The following DLGAP2 variants were observed in gnomAD, a reference collection of about 807,000 sequenced individuals.
DLGAP2 encodes DLG associated protein 2.
DLGAP2 carries 26 observed loss-of-function variants against 100.3 expected under a neutral mutation model. That is an observed-to-expected ratio of 0.26 (90% CI 0.19 to 0.36). The LOEUF (loss-of-function observed/expected upper bound fraction) is 0.36. Ranked by LOEUF, DLGAP2 falls within the 10% of genes least tolerant of loss-of-function variation. DLGAP2 has a pLI of 1.00. For missense variants in DLGAP2, 1,858 were observed against 1,453.2 expected, an observed-to-expected ratio of 1.28 and a Z score of -4.53; for synonymous variants, 886 against 630.1, an observed-to-expected ratio of 1.41 and a Z score of -6.08.
intron 2 of DLGAP2, among the ~76,000 whole-genome samples, chr8:1,234,469 C>T (rs890879659): frequency 2.0e-5 from 3 of 152,188 alleles, no homozygotes; most frequent in Non-Finnish European, 4.4e-5. Flanking sequence ...ACTAGTAATA[C>T]TGAATCAGGG....
chr8:1,565,855 T>G lies in DLGAP2; in HGVS notation c.1403T>G (p.Leu468Arg). The change falls in exon 6 of 15, where the codon CTG becomes CGG. Residue 468 changes from leucine to arginine, a missense_variant. Transcript: ENST00000637795. ...PKSAILPEPL[L>R]KSIGQRPLGE... is the part of the protein sequence containing the mutation. ...TCGGCAATCCTACCAGAGCCGCTGC[T>G]GAAGTCCATCGGACAGAGACCGCTT... is the stretch of plus-strand genomic sequence containing the variant. 1 of 1,612,408 alleles carries G rather than the reference T, an allele frequency of 6.2e-7. No homozygotes were observed.
At chr8:1,081,519 A>G (rs750120988) in intron 2 of DLGAP2, among the ~76,000 whole-genome samples, 2 of 152,006 alleles carry the variant, frequency 1.3e-5, no homozygotes, top group African/African-American at 4.8e-5. Flanking sequence ...GCCCAGCTAA[A>G]TTTTGTACTT....
intron 8 of DLGAP2, among the ~76,000 whole-genome samples, chr8:1,637,791 A>C (rs1317262933): frequency 2.6e-5 from 4 of 152,214 alleles, no homozygotes; most frequent in African/African-American, 4.8e-5. Flanking sequence ...AAACAGTTGC[A>C]GTTGAAGAGC....
At chr8:1,141,021 T>C (rs1388924126) in intron 2 of DLGAP2, among the ~76,000 whole-genome samples, 1 of 152,186 alleles carries the variant, frequency 6.6e-6, no homozygotes, top group Non-Finnish European at 1.5e-5. Flanking sequence ...GTCTTCTTCA[T>C]TGAAGGTGTG....
chr8:1,460,304 T>G (rs1798437816), intron 3 of DLGAP2, among the ~76,000 whole-genome samples: 1 of 152,258 alleles, frequency 6.6e-6, no homozygotes, highest in Non-Finnish European at 1.5e-5. Context: ...TATGACTATT[T>G]TGTTTTAATT....
chr8:1,051,293 C>T (rs1802703035), intron 2 of DLGAP2, among the ~76,000 whole-genome samples: 1 of 152,128 alleles, frequency 6.6e-6, no homozygotes, highest in Non-Finnish European at 1.5e-5. Context: ...CATTTTTCAG[C>T]AGCACTCACC....
intron 3 of DLGAP2, among the ~76,000 whole-genome samples, chr8:1,344,395 T>C (rs1801508647): frequency 6.6e-6 from 1 of 152,190 alleles, no homozygotes; most frequent in African/African-American, 2.4e-5. Context: ...AGAGGTCTAG[T>C]GTCACTTTCT....
At chr8:1,438,054 A>C (rs1425575196) in intron 3 of DLGAP2, among the ~76,000 whole-genome samples, 1 of 152,112 alleles carries the variant, frequency 6.6e-6, no homozygotes, top group Non-Finnish European at 1.5e-5. Flanking sequence ...TTTGGTATAG[A>C]GGATTTCTCG....
Position 977,112 on chromosome 8 carries a change from G to C in DLGAP2, c.73+69146G>C, listed in dbSNP as rs150791008. On this transcript the variant is annotated intron_variant, in intron 2 of 14. Transcript: ENST00000637795. ...CAAAAATGGTACTCAGCCAAGATAA[G>C]AGGTCAGCTTCTTGCATTTCTTCAC... 1.0e-3 allele frequency among the ~76,000 whole-genome samples: 158 copies of C among 152,330 alleles called. 1 individual carries two copies. The highest frequency in any genetic ancestry group is 5.9e-3 in the Admixed American group (91 of 15,306).
chr8:1,411,106 T>G (rs1796718303), intron 3 of DLGAP2, among the ~76,000 whole-genome samples: 1 of 152,150 alleles, frequency 6.6e-6, no homozygotes, highest in Non-Finnish European at 1.5e-5. Context: ...CTTTCAGGTA[T>G]TCAGTCGTGG....
At chr8:1,059,060 C>A (rs148165594) in intron 2 of DLGAP2, among the ~76,000 whole-genome samples, 2 of 152,024 alleles carry the variant, frequency 1.3e-5, no homozygotes, top group Non-Finnish European at 1.5e-5. Flanking sequence ...GGGCTCCCCC[C>A]ATGTGTCCAT....
At chr8:1,466,629 T>C (rs1798634387) in intron 3 of DLGAP2, among the ~76,000 whole-genome samples, 1 of 152,118 alleles carries the variant, frequency 6.6e-6, no homozygotes, top group African/African-American at 2.4e-5. Flanking sequence ...CTTACCTAAA[T>C]TCATAGTAGT....
chr8:1,516,389 G>C (rs56187330), intron 4 of DLGAP2, among the ~76,000 whole-genome samples: 3,238 of 151,872 alleles, frequency 0.021, 108 homozygotes, highest in African/African-American at 0.069. Context: ...GTGACTGAGT[G>C]AATGAGTGGG....
chr8:1,048,707 C>T (rs911354909), intron 2 of DLGAP2, among the ~76,000 whole-genome samples: 3 of 152,024 alleles, frequency 2.0e-5, no homozygotes, highest in Non-Finnish European at 4.4e-5. Context: ...GCCCGAGGCC[C>T]TAGACCTGGA....
intron 6 of DLGAP2, among the ~76,000 whole-genome samples, chr8:1,579,033 C>T (rs1803113409): frequency 6.6e-6 from 1 of 152,168 alleles, no homozygotes; most frequent in South Asian, 2.1e-4. Context: ...ACTGGACTTG[C>T]TTATATATTA....
chr8:1,627,343 C>T (rs1318462492), intron 7 of DLGAP2, among the ~76,000 whole-genome samples: 1 of 152,166 alleles, frequency 6.6e-6, no homozygotes, highest in Non-Finnish European at 1.5e-5. Flanking sequence ...ACTCCCAGGG[C>T]AGGACTGATT....
chr8:927,361 G>C (rs1335752941), intron 2 of DLGAP2, among the ~76,000 whole-genome samples: 1 of 152,172 alleles, frequency 6.6e-6, no homozygotes, highest in Non-Finnish European at 1.5e-5. Context: ...GTAGCACTTT[G>C]TGGGGGTGTG....
chr8:1,069,048 C>G (rs1260690350), intron 2 of DLGAP2, among the ~76,000 whole-genome samples: 1 of 152,122 alleles, frequency 6.6e-6, no homozygotes, highest in Non-Finnish European at 1.5e-5. Flanking sequence ...ATTAAAAATC[C>G]CCGGCTGAAG....
rs553556894 is a variant in DLGAP2, at chr8:1,360,930, C to CAT, written c.106+102047_106+102048insAT. On this transcript the variant is annotated intron_variant, in intron 3 of 14. Coordinates refer to ENST00000637795, the MANE Select transcript of DLGAP2 (RefSeq NM_001346810.2). ...ACGGTTTCTCGCCTCTCATCGCTCACGTGTTTCAGAAGCACAGTGCCGAGT... is the reference window on the plus strand; with the variant it reads ...ACGGTTTCTCGCCTCTCATCGCTCACATGTGTTTCAGAAGCACAGTGCCGAGT... Among the ~76,000 whole-genome samples, 94 of 152,302 alleles carry CAT rather than the reference C, an allele frequency of 6.2e-4. 1 individual carries two copies. The highest frequency in any genetic ancestry group is 4.8e-3 in the East Asian group (25 of 5,184).
Sources: allele counts gnomAD v4.1 joint callset (sites outside exome capture counted in the v4.1 genomes callset), GRCh38; gene constraint gnomAD v4.1.1; transcripts MANE v1.5; gene names NCBI Gene and HGNC (gene_info 2026-07-23, HGNC 2026-07-21).